SDHA: variants seen among roughly 807,000 people sequenced by gnomAD.
SDHA encodes succinate dehydrogenase complex flavoprotein subunit A.
A neutral mutation model predicts 78.4 loss-of-function variants in SDHA; 48 were observed. That is an observed-to-expected ratio of 0.61 (90% CI 0.49 to 0.78). The LOEUF (loss-of-function observed/expected upper bound fraction) is 0.78, where lower values mean the gene tolerates loss of function less well. SDHA is among the 30% of genes least tolerant of loss of function. The probability of loss-of-function intolerance (pLI) is 0.00; values close to 1 mark genes in which losing one functional copy is unlikely to be tolerated. For missense variants in SDHA, 680 were observed against 892.7 expected (o/e 0.76, Z 3.04); for synonymous variants, 326 against 353.9 (o/e 0.92, Z 0.88).
intron 2 of SDHA, 50 bp from the exon 3 acceptor site, chr5:224,310 T>C (rs373932218): frequency 2.5e-5 from 39 of 1,585,678 alleles, no homozygotes; most frequent in Non-Finnish European, 3.3e-5. Flanking sequence ...AGATTCTTCA[T>C]GTTTGGCATA....
downstream of SDHA, among the ~76,000 whole-genome samples, chr5:261,710 G>C (rs370318755): frequency 5.9e-3 from 71 of 12,020 alleles, no homozygotes; most frequent in East Asian, 0.011. Context: ...CCGCCTCCCG[G>C]CAGAGCATTA....
At chr5:243,798 G>T (rs1264674332) in intron 11 of SDHA, among the ~76,000 whole-genome samples, 1 of 152,138 alleles carries the variant, frequency 6.6e-6, no homozygotes, top group Admixed American at 6.5e-5. Context: ...ATTATATCAA[G>T]GCCTGTGATG....
intron 11 of SDHA, chr5:249,832 T>C (rs1736703797): frequency 6.6e-6 from 1 of 152,260 alleles, no homozygotes; most frequent in Non-Finnish European, 1.5e-5. Flanking sequence ...ATTGTCATTA[T>C]TTACAGATAG....
chr5:219,835 C>T (rs1402071611), intron 1 of SDHA, among the ~76,000 whole-genome samples: 1 of 152,190 alleles, frequency 6.6e-6, no homozygotes, highest in Non-Finnish European at 1.5e-5. Context: ...GCGGCGGAGG[C>T]ACCTCAGACG....
intron 9 of SDHA, chr5:236,182 G>A (rs1182034911): frequency 9.7e-6 from 5 of 517,636 alleles, no homozygotes; most frequent in Non-Finnish European, 1.4e-5. Context: ...CCGCCATTAT[G>A]CCCCGCTAAT....
downstream of SDHA, among the ~76,000 whole-genome samples, chr5:257,307 G>A (rs1462357806): frequency 1.3e-5 from 2 of 152,154 alleles, no homozygotes; most frequent in Non-Finnish European, 2.9e-5. Context: ...CAGTGGGCCG[G>A]TGAGCTACTG....
intron 6 of SDHA, 29 bp from the exon 7 acceptor site, chr5:230,847 G>A (rs1430261496): frequency 1.2e-6 from 2 of 1,614,070 alleles, no homozygotes; most frequent in African/African-American, 1.3e-5. Context: ...GGGCCGCTGT[G>A]TGCAGTCACT....
chr5:251,773 G>A, intron 13 of SDHA: 1 of 1,329,850 alleles, frequency 7.5e-7, no homozygotes, highest in Non-Finnish European at 9.8e-7. Flanking sequence ...GGAAATAAAT[G>A]CCAGTTTATT....
chr5:257,431 A>G (rs1056488381), downstream of SDHA, among the ~76,000 whole-genome samples: 1 of 144,680 alleles, frequency 6.9e-6, no homozygotes, highest in Admixed American at 6.9e-5. Flanking sequence ...CACCTGTCAG[A>G]GCATTACCGT....
chr5:256,303 GCTTAA>G (rs1458038259), intron 14 of SDHA, 26 bp from the exon 15 acceptor site: 1 of 1,538,146 alleles, frequency 6.5e-7, no homozygotes, highest in Non-Finnish European at 9.0e-7. Context: ...ACATTTTTGT[GCTTAA>G]CTTACCACTG....
chr5:264,531 G>A, the SDHA span, among the ~76,000 whole-genome samples: 19,630 of 150,860 alleles, frequency 0.13, 1,331 homozygotes, highest in Admixed American at 0.17. Context: ...CGGGCACCCC[G>A]GCCTAATCCA....
the SDHA span, among the ~76,000 whole-genome samples, chr5:265,837 T>A: frequency 1.5e-5 from 2 of 130,672 alleles, no homozygotes; most frequent in Admixed American, 7.3e-5. Flanking sequence ...AAAAAAAGAG[T>A]TGTCAAATTG....
intron 2 of SDHA, among the ~76,000 whole-genome samples, chr5:223,936 A>G (rs1183420938): frequency 6.6e-6 from 1 of 152,168 alleles, no homozygotes; most frequent in Non-Finnish European, 1.5e-5. Context: ...AATCCTACTG[A>G]AAATAGGATG....
downstream of SDHA, among the ~76,000 whole-genome samples, chr5:261,581 G>C (rs1254702551): frequency 2.7e-5 from 1 of 37,492 alleles, no homozygotes. Flanking sequence ...TCCGCCTCCC[G>C]CCAGAGCATT....
chr5:226,978 T>A (rs955840424), intron 5 of SDHA, among the ~76,000 whole-genome samples: 2 of 150,390 alleles, frequency 1.3e-5, no homozygotes, highest in African/African-American at 4.9e-5. Context: ...TTTTACCACC[T>A]CTGAGTTCCT....
the SDHA span, among the ~76,000 whole-genome samples, chr5:262,364 G>A: frequency 3.4e-5 from 5 of 145,332 alleles, no homozygotes; most frequent in Non-Finnish European, 7.5e-5. Context: ...GAGCATTACC[G>A]TGTGAGCTCC....
the SDHA span, among the ~76,000 whole-genome samples, chr5:263,981 A>T: frequency 6.7e-6 from 1 of 149,916 alleles, no homozygotes. Flanking sequence ...CAAAATGTCC[A>T]TCAGTAGGGG....
At chr5:251,513 A>G (rs762908328) in intron 13 of SDHA, 45 bp downstream of exon 13, 11 of 1,613,212 alleles carry the variant, frequency 6.8e-6, no homozygotes, top group Non-Finnish European at 3.4e-6. Flanking sequence ...TTTTCCTGCC[A>G]CCTGGTGGGA....
chr5:255,919 C>T (rs1244085615), intron 14 of SDHA, among the ~76,000 whole-genome samples: 2 of 152,130 alleles, frequency 1.3e-5, no homozygotes, highest in Non-Finnish European at 2.9e-5. Context: ...GGACCAGAAG[C>T]GTTGTGGATT....
Sources: gnomAD v4.1 joint callset for allele counts (sites outside exome capture counted in the v4.1 genomes callset) on GRCh38, gnomAD v4.1.1 for gene constraint, MANE v1.5 for transcripts, NCBI Gene and HGNC (gene_info 2026-07-23, HGNC 2026-07-21) for gene names.